Variants in RBFOX1 observed in about 807,000 individuals in gnomAD.
RBFOX1 encodes the protein RNA binding protein fox-1 homolog 1.
RBFOX1 carries 8 observed loss-of-function variants against 57.7 expected under a neutral mutation model. The ratio of observed to expected loss-of-function variants is 0.14; its 90% CI spans 0.08 to 0.25. The LOEUF (loss-of-function observed/expected upper bound fraction) is 0.25. RBFOX1 is among the 10% of genes least tolerant of loss of function. The pLI is 1.00. For missense variants in RBFOX1, 611 were observed against 548.5 expected (o/e 1.11, Z -1.14); for synonymous variants, 326 against 222.4 (o/e 1.47, Z -4.15).
intron 2 of RBFOX1, among the ~76,000 whole-genome samples, chr16:6,518,457 G>T (rs973445055): frequency 6.6e-6 from 1 of 152,060 alleles, no homozygotes; most frequent in Non-Finnish European, 1.5e-5. Context: ...CAATTAATGT[G>T]CTTCTATTAT....
At chr16:5,609,762 C>A (rs2047708541) in intron 3 of RBFOX1, among the ~76,000 whole-genome samples, 1 of 149,302 alleles carries the variant, frequency 6.7e-6, no homozygotes, top group South Asian at 2.1e-4. Flanking sequence ...TTCCCTAAGA[C>A]TTGTTAATCT....
intron 2 of RBFOX1, among the ~76,000 whole-genome samples, chr16:6,526,823 C>G (rs904334908): frequency 2.4e-5 from 2 of 82,918 alleles, no homozygotes; most frequent in African/African-American, 6.1e-5. Flanking sequence ...GAGCGAGACT[C>G]TGTCTCAAAA....
At chr16:6,668,011 G>A (rs2098743129) in intron 3 of RBFOX1, among the ~76,000 whole-genome samples, 1 of 152,128 alleles carries the variant, frequency 6.6e-6, no homozygotes, top group Admixed American at 6.5e-5. Flanking sequence ...AGATCAGAGA[G>A]TATACATCTA....
chr16:6,258,168 T>C (rs909980224), intron 1 of RBFOX1, among the ~76,000 whole-genome samples: 4 of 152,196 alleles, frequency 2.6e-5, no homozygotes, highest in Admixed American at 2.6e-4. Context: ...TGTCCATTTT[T>C]GTCTAGGGTT....
chr16:7,401,237 AGAAG>A (rs2098237696), intron 4 of RBFOX1, among the ~76,000 whole-genome samples: 1 of 152,240 alleles, frequency 6.6e-6, no homozygotes, highest in Non-Finnish European at 1.5e-5. Flanking sequence ...TCTCTGTGAA[AGAAG>A]TCAAACTACA....
At chr16:5,759,569 A>C (rs1453098876) in intron 3 of RBFOX1, among the ~76,000 whole-genome samples, 1 of 152,212 alleles carries the variant, frequency 6.6e-6, no homozygotes, top group East Asian at 1.9e-4. Flanking sequence ...TTCTGTATTT[A>C]ATGGCACAGA....
At chr16:6,973,749 C>G (rs1280337548) in intron 3 of RBFOX1, among the ~76,000 whole-genome samples, 2 of 152,130 alleles carry the variant, frequency 1.3e-5, no homozygotes, top group African/African-American at 4.8e-5. Context: ...CATAACTGCA[C>G]TGTGTTACCC....
intron 2 of RBFOX1, among the ~76,000 whole-genome samples, chr16:6,330,546 TCACTATATCAAG>T (rs1253463796): frequency 2.0e-5 from 3 of 152,142 alleles, no homozygotes; most frequent in Non-Finnish European, 4.4e-5. Flanking sequence ...AATTGCTGTC[TCACTATATCAAG>T]CAGGGAACTA....
At chr16:5,954,417 G>A (rs2059583756) in intron 4 of RBFOX1, among the ~76,000 whole-genome samples, 1 of 152,096 alleles carries the variant, frequency 6.6e-6, no homozygotes, top group African/African-American at 2.4e-5. Flanking sequence ...TGAGAACGAA[G>A]CATTAAACCC....
intron 4 of RBFOX1, among the ~76,000 whole-genome samples, chr16:7,286,871 C>A (rs969165650): frequency 6.6e-6 from 1 of 151,908 alleles, no homozygotes; most frequent in Non-Finnish European, 1.5e-5. Flanking sequence ...TCAGATGATC[C>A]ACCCGCCTCA....
At chr16:5,690,917 C>T (rs1292117200) in intron 3 of RBFOX1, among the ~76,000 whole-genome samples, 5 of 152,062 alleles carry the variant, frequency 3.3e-5, no homozygotes, top group Admixed American at 2.0e-4. Flanking sequence ...TGCTCATTCC[C>T]AGTAGGTGAC....
chr16:5,255,262 G>A (rs932313075), intron 1 of RBFOX1, among the ~76,000 whole-genome samples: 5 of 151,682 alleles, frequency 3.3e-5, no homozygotes, highest in African/African-American at 7.3e-5. Flanking sequence ...TTCTTTGGAG[G>A]ACCCCGGATA....
chr16:6,952,056 G>A (rs1158012121), intron 3 of RBFOX1, among the ~76,000 whole-genome samples: 1 of 152,152 alleles, frequency 6.6e-6, no homozygotes, highest in Non-Finnish European at 1.5e-5. Flanking sequence ...TTTCTCATAC[G>A]TGGTTGATCA....
At chr16:6,265,451 G>T (rs950154703) in intron 1 of RBFOX1, among the ~76,000 whole-genome samples, 8 of 151,904 alleles carry the variant, frequency 5.3e-5, no homozygotes, top group African/African-American at 1.9e-4. Flanking sequence ...TAGTAGAGAC[G>T]GGGTTTCACC....
intron 2 of RBFOX1, among the ~76,000 whole-genome samples, chr16:6,630,488 C>T (rs140471255): frequency 5.9e-5 from 9 of 152,112 alleles, no homozygotes; most frequent in Non-Finnish European, 4.4e-5. Context: ...TTAAAATTTC[C>T]TTCTAACATG....
intron 3 of RBFOX1, among the ~76,000 whole-genome samples, chr16:7,041,699 A>G (rs1353745935): frequency 6.6e-6 from 1 of 152,220 alleles, no homozygotes; most frequent in Non-Finnish European, 1.5e-5. Context: ...CAAAAGTGTC[A>G]TTAATTTAGC....
chr16:5,500,868 T>C (rs1445652462), intron 2 of RBFOX1, among the ~76,000 whole-genome samples: 2 of 152,182 alleles, frequency 1.3e-5, no homozygotes, highest in Non-Finnish European at 2.9e-5. Context: ...TTTTCTCTAG[T>C]CTACCTCACA....
intron 3 of RBFOX1, among the ~76,000 whole-genome samples, chr16:7,004,446 C>G (rs915302172): frequency 6.6e-6 from 1 of 152,214 alleles, no homozygotes; most frequent in African/African-American, 2.4e-5. Context: ...GGTGGAGTCA[C>G]CATAGCCTGG....
intron 3 of RBFOX1, among the ~76,000 whole-genome samples, chr16:5,682,055 C>G (rs1203428343): frequency 1.3e-5 from 2 of 152,142 alleles, no homozygotes; most frequent in Admixed American, 6.5e-5. Context: ...TCCTAGGTCT[C>G]TGGGGCTGTG....
Sources: gnomAD v4.1 joint callset for allele counts (sites outside exome capture counted in the v4.1 genomes callset) on GRCh38, gnomAD v4.1.1 for gene constraint, MANE v1.5 for transcripts, NCBI Gene and HGNC (gene_info 2026-07-23, HGNC 2026-07-21) for gene names.